MROH2B: variants seen among roughly 807,000 people sequenced by gnomAD.
MROH2B encodes maestro heat like repeat family member 2B.
In MROH2B, 177 loss-of-function variants were observed where a neutral mutation model predicts 208.6. The ratio of observed to expected loss-of-function variants is 0.85; its 90% CI spans 0.75 to 0.96. The LOEUF (loss-of-function observed/expected upper bound fraction) is 0.96, where lower values mean the gene tolerates loss of function less well. Ranked by LOEUF, MROH2B falls within the 40% of genes least tolerant of loss-of-function variation. MROH2B has a pLI of 0.00. For missense variants in MROH2B, 2,002 were observed against 1,878.7 expected (o/e 1.07, Z -1.21); for synonymous variants, 728 against 659.0 (o/e 1.10, Z -1.60).
intron 24 of MROH2B, among the ~76,000 whole-genome samples, chr5:41,028,696 TTATC>T (rs1393432646): frequency 1.3e-5 from 2 of 152,322 alleles, no homozygotes; most frequent in African/African-American, 2.4e-5. Flanking sequence ...CACAATGTCT[TTATC>T]CATTCATTCA....
intron 24 of MROH2B, among the ~76,000 whole-genome samples, chr5:41,023,287 A>G (rs1742224573): frequency 6.6e-6 from 1 of 152,208 alleles, no homozygotes; most frequent in South Asian, 2.1e-4. Flanking sequence ...GAAGCTAAAA[A>G]TCTTGAAAAA....
At chr5:41,030,851 G>T (rs971231154) in intron 24 of MROH2B, among the ~76,000 whole-genome samples, 6 of 152,066 alleles carry the variant, frequency 3.9e-5, no homozygotes, top group African/African-American at 1.4e-4. Context: ...TAACAATACT[G>T]GACTGTACAC....
chr5:41,061,883 C>T (rs919383425), intron 5 of MROH2B, among the ~76,000 whole-genome samples, 159 bp from the exon 6 acceptor site: 2 of 152,116 alleles, frequency 1.3e-5, no homozygotes, highest in African/African-American at 4.8e-5. Context: ...TGCTCAGCCA[C>T]AAAAGTGAAA....
At chr5:41,004,238 G>A (rs1741493531) in intron 37 of MROH2B, 108 bp downstream of exon 37, 3 of 1,319,670 alleles carry the variant, frequency 2.3e-6, no homozygotes, top group African/African-American at 1.5e-5. Context: ...TCTGGGGCAG[G>A]CCAAGGAATA....
chr5:41,025,547 C>T (rs1187151195), intron 24 of MROH2B, among the ~76,000 whole-genome samples: 4 of 152,100 alleles, frequency 2.6e-5, no homozygotes, highest in Admixed American at 2.0e-4. Context: ...TAATTAATAG[C>T]TTACCAACCA....
intron 24 of MROH2B, among the ~76,000 whole-genome samples, chr5:41,030,695 G>A (rs1396438613): frequency 1.3e-5 from 2 of 152,016 alleles, no homozygotes; most frequent in Non-Finnish European, 1.5e-5. Context: ...AACAAATCTG[G>A]AGTCACTACA....
At chr5:41,045,637 T>A (rs1743091497) in intron 18 of MROH2B, 109 bp downstream of exon 18, 2 of 793,310 alleles carry the variant, frequency 2.5e-6, no homozygotes, top group Admixed American at 2.2e-5. Context: ...TCTTTTTTTT[T>A]TTAAATGTTC....
chr5:41,047,658 A>T (rs1240446349), intron 17 of MROH2B, 63 bp downstream of exon 17: 1 of 1,415,428 alleles, frequency 7.1e-7, no homozygotes, highest in African/African-American at 1.4e-5. Context: ...TTAATTTAGG[A>T]TGGGTAACTT....
At chr5:41,062,074 C>A (rs1002689857) in intron 5 of MROH2B, among the ~76,000 whole-genome samples, 1 of 148,814 alleles carries the variant, frequency 6.7e-6, no homozygotes, top group African/African-American at 2.6e-5. Context: ...ATATGCATTC[C>A]ATTTGACCCA....
At chr5:41,044,249 CAAAA>C (rs35282921) in intron 18 of MROH2B, among the ~76,000 whole-genome samples, 4 of 129,198 alleles carry the variant, frequency 3.1e-5, no homozygotes, top group Admixed American at 8.0e-5. Flanking sequence ...GACTCCATCT[CAAAA>C]AAAAAAAAAA....
At chr5:41,019,767 C>T (rs1043619970) in intron 24 of MROH2B, among the ~76,000 whole-genome samples, 1 of 152,118 alleles carries the variant, frequency 6.6e-6, no homozygotes, top group Non-Finnish European at 1.5e-5. Context: ...AATTCAGTAC[C>T]AGCTGGGAAA....
intron 33 of MROH2B, 104 bp from the exon 34 acceptor site, chr5:41,007,558 A>T: frequency 2.7e-6 from 3 of 1,100,382 alleles, no homozygotes; most frequent in Non-Finnish European, 3.6e-6. Context: ...CCACCCCTGG[A>T]CTAGGGGATG....
chr5:41,003,860 A>G (rs1201674623), intron 37 of MROH2B, among the ~76,000 whole-genome samples: 1 of 152,224 alleles, frequency 6.6e-6, no homozygotes, highest in African/African-American at 2.4e-5. Context: ...CCTGGAAGGC[A>G]TAGAGGAAAA....
At chr5:41,042,893 C>T (rs1742999445) in intron 18 of MROH2B, among the ~76,000 whole-genome samples, 1 of 152,230 alleles carries the variant, frequency 6.6e-6, no homozygotes. Context: ...GTATGAGCCA[C>T]CATGCCCAAC....
intron 24 of MROH2B, among the ~76,000 whole-genome samples, chr5:41,021,843 T>C (rs1311392005): frequency 6.6e-6 from 1 of 151,940 alleles, no homozygotes; most frequent in Non-Finnish European, 1.5e-5. Flanking sequence ...GCCACTGCAC[T>C]CCAGCCTGGA....
At chr5:41,052,977 T>C (rs576819539) in intron 11 of MROH2B, among the ~76,000 whole-genome samples, 54 of 152,258 alleles carry the variant, frequency 3.5e-4, no homozygotes, top group Non-Finnish European at 7.4e-4. Flanking sequence ...CCTGTATAAA[T>C]AGAGGGAGAA....
At chr5:41,037,171 G>T (rs1168078347) in intron 21 of MROH2B, among the ~76,000 whole-genome samples, 2 of 151,836 alleles carry the variant, frequency 1.3e-5, no homozygotes, top group African/African-American at 4.8e-5. Context: ...TTGATACTTT[G>T]CCCAGGCTGG....
At position 41,045,773 on chromosome 5, in the gene MROH2B, G is replaced by C. The variant is rs1279381699; in HGVS notation, c.1809C>G (p.Gly603=). 2 of 1,613,420 alleles carry C rather than the reference G, an allele frequency of 1.2e-6. No homozygotes were observed. Among genetic ancestry groups the C allele is most frequent in the East Asian group, 2.2e-5 (1 of 44,836 alleles). ...TCTCAGTGGAGTTATTGCTGTAACTGCCCATTTGCTGTTTGAAATCCTGAG... is the reference window on the plus strand; with the variant it reads ...TCTCAGTGGAGTTATTGCTGTAACTCCCCATTTGCTGTTTGAAATCCTGAG... The part of the protein sequence containing the change: ...QLTQDFKQQM[G]SYSNNSTEKK... Residue 603 remains glycine, a synonymous_variant, in exon 18 of 42, where the codon GGC becomes GGG. Transcript: ENST00000399564.
intron 30 of MROH2B, among the ~76,000 whole-genome samples, chr5:41,011,823 A>ATT (rs1741782829): frequency 6.6e-6 from 1 of 152,080 alleles, no homozygotes; most frequent in Non-Finnish European, 1.5e-5. Context: ...GCTTGCCACC[A>ATT]TGCGCAGCTA....
Sources: allele counts gnomAD v4.1 joint callset (sites outside exome capture counted in the v4.1 genomes callset), GRCh38; gene constraint gnomAD v4.1.1; transcripts MANE v1.5; gene names NCBI Gene and HGNC (gene_info 2026-07-23, HGNC 2026-07-21).